Variants in FGF10 observed in about 807,000 individuals in gnomAD.
FGF10 encodes the protein FGF-10.
FGF10 carries 2 observed loss-of-function variants against 19.8 expected under a neutral mutation model. The ratio of observed to expected loss-of-function variants is 0.10; its 90% confidence interval spans 0.04 to 0.32. The LOEUF (loss-of-function observed/expected upper bound fraction) is 0.32. FGF10 is among the 10% of genes least tolerant of loss of function. The pLI, the probability that FGF10 is intolerant of heterozygous loss-of-function variation, is 1.00. For synonymous variants in FGF10, 112 were observed against 94.0 expected (o/e 1.19, Z -1.10); for missense variants, 191 against 246.3 (o/e 0.78, Z 1.50).
At chr5:44,371,811 T>C (rs1228032659) in intron 1 of FGF10, among the ~76,000 whole-genome samples, 1 of 152,194 alleles carries the variant, frequency 6.6e-6, no homozygotes, top group African/African-American at 2.4e-5. Context: ...CTTTCCTAGA[T>C]ACTTTTCATA....
intron 1 of FGF10, among the ~76,000 whole-genome samples, chr5:44,352,810 A>G (rs965020506): frequency 6.6e-6 from 1 of 151,554 alleles, no homozygotes; most frequent in Non-Finnish European, 1.5e-5. Context: ...TATTATTTGT[A>G]CCTAACAGAA....
At chr5:44,364,750 T>C (rs1332385393) in intron 1 of FGF10, among the ~76,000 whole-genome samples, 2 of 151,922 alleles carry the variant, frequency 1.3e-5, no homozygotes, top group African/African-American at 4.8e-5. Context: ...ACATCATACA[T>C]GTAAAATGAT....
intron 1 of FGF10, among the ~76,000 whole-genome samples, chr5:44,384,512 T>C (rs1742055266): frequency 6.6e-6 from 1 of 152,130 alleles, no homozygotes; most frequent in African/African-American, 2.4e-5. Context: ...TTTGGATAAT[T>C]TGTTTTTTAG....
At chr5:44,341,529 G>GT (rs575155171) in intron 1 of FGF10, among the ~76,000 whole-genome samples, 175 of 151,622 alleles carry the variant, frequency 1.2e-3, no homozygotes, top group African/African-American at 4.2e-3. Flanking sequence ...GTGTTTTCAA[G>GT]TAGGTAAGTT....
chr5:44,349,453 T>TATATCAGAATATATATATATATCAGA (rs1554038157), intron 1 of FGF10, among the ~76,000 whole-genome samples: 251 of 22,996 alleles, frequency 0.011, 3 homozygotes, highest in Non-Finnish European at 0.016. Flanking sequence ...TATATATATA[T>TATATCAGAATATATATATATATCAGA]ATATATATAT....
intron 1 of FGF10, among the ~76,000 whole-genome samples, chr5:44,370,483 C>T (rs1011908428): frequency 2.6e-5 from 4 of 152,096 alleles, no homozygotes; most frequent in Admixed American, 2.6e-4. Flanking sequence ...TTCCCTTGCA[C>T]TGGAGCCCCA....
chr5:44,386,275 G>C (rs1742094856), intron 1 of FGF10, among the ~76,000 whole-genome samples: 1 of 152,106 alleles, frequency 6.6e-6, no homozygotes, highest in African/African-American at 2.4e-5. Context: ...AACTAAAACA[G>C]AGCAGATTTG....
At chr5:44,329,231 C>T (rs1015450935) in intron 1 of FGF10, among the ~76,000 whole-genome samples, 12 of 152,108 alleles carry the variant, frequency 7.9e-5, no homozygotes, top group Non-Finnish European at 1.3e-4. Flanking sequence ...GGCTGGAGTG[C>T]GCTAGTGCAA....
chr5:44,381,162 G>A (rs1355518330), intron 1 of FGF10, among the ~76,000 whole-genome samples: 1 of 152,098 alleles, frequency 6.6e-6, no homozygotes, highest in African/African-American at 2.4e-5. Context: ...ACTCTGAAGG[G>A]GGCTTATCAG....
rs1561224090 is a variant in FGF10 at position 44,388,947 on chromosome 5, G to A, written c.-265C>T. On this transcript the variant is annotated 5_prime_UTR_variant, in exon 1 of 3. Transcript: ENST00000264664. The stretch of plus-strand genomic sequence containing the variant: ...TGGACGTGGGTGGCCGCAGCAGCAG[G>A]AGCTGGTGGTGGCGTTGGTGGTGTT... 3 of 568,628 alleles carry A rather than the reference G, an allele frequency of 5.3e-6. No homozygotes were observed. Among genetic ancestry groups the A allele is most frequent in the Non-Finnish European group, 9.5e-6 (3 of 316,260 alleles). 35.2% of individuals were successfully genotyped at this position (568,628 alleles called of 1,614,324 possible). A position where few individuals can be genotyped will look rare whatever the true frequency, so the allele number is the denominator to read the frequency against.
intron 1 of FGF10, among the ~76,000 whole-genome samples, chr5:44,313,646 C>G (rs1289886825): frequency 6.6e-6 from 1 of 151,172 alleles, no homozygotes; most frequent in Non-Finnish European, 1.5e-5. Flanking sequence ...TGAAAGGACA[C>G]ATGAATTATA....
intron 1 of FGF10, among the ~76,000 whole-genome samples, chr5:44,334,443 C>T: frequency 6.6e-6 from 1 of 152,068 alleles, no homozygotes. Context: ...ATGTAAGCCA[C>T]CTTCTTATCC....
In FGF10 at chr5:44,349,442, AT is replaced by A. The variant is rs1399184329; in HGVS notation, c.326-38913del. On this transcript the variant is annotated intron_variant, in intron 1 of 2. Transcript: ENST00000264664. ...TTTCTTTATATATATATATATATAT[AT>A]ATATATATATATATATATATATATA... is the stretch of plus-strand genomic sequence containing the variant. 4.5e-3 allele frequency among the ~76,000 whole-genome samples: 52 copies of A among 11,638 alleles called. 4 individuals carry two copies. Among genetic ancestry groups the A allele is most frequent in the African/African-American group, 0.011 (51 of 4,534 alleles). The allele number at this position is 11,638 out of a possible 152,430, so 7.6% of individuals were successfully genotyped here. A position where few individuals can be genotyped will look rare whatever the true frequency, so the allele number is the denominator to read the frequency against.
chr5:44,345,782 A>G (rs533940918), intron 1 of FGF10, among the ~76,000 whole-genome samples: 4 of 151,540 alleles, frequency 2.6e-5, no homozygotes, highest in Admixed American at 6.6e-5. Context: ...TTTCTCATCC[A>G]TCTTCTGAGA....
chr5:44,305,105 C>T lies in FGF10; in HGVS notation c.517G>A (p.Gly173Arg). 2 of 1,613,972 alleles carry T rather than the reference C, an allele frequency of 1.2e-6. No homozygotes were observed. The highest frequency in any genetic ancestry group is 1.7e-6 in the Non-Finnish European group (2 of 1,179,898). The change falls in exon 3 of 3, where the codon GGG becomes AGG. Residue 173 changes from glycine (G) to arginine (R), a missense_variant. Coordinates refer to ENST00000264664, the MANE Select transcript of FGF10 (RefSeq NM_004465.2). ...TYASFNWQHN[G>R]RQMYVALNGK... ...TTCAATGCCACATACATTTGCCTCC[C>T]ATTATGCTGCCAGTTAAATGATGCA...
intron 1 of FGF10, among the ~76,000 whole-genome samples, chr5:44,340,036 TC>T (rs1181908958): frequency 6.6e-6 from 1 of 152,152 alleles, no homozygotes; most frequent in African/African-American, 2.4e-5. Flanking sequence ...AGTAGCCTCA[TC>T]TTTGTCCCAG....
chr5:44,364,302 C>G (rs952921803), intron 1 of FGF10, among the ~76,000 whole-genome samples: 1 of 151,792 alleles, frequency 6.6e-6, no homozygotes, highest in Non-Finnish European at 1.5e-5. Flanking sequence ...AATGATAACT[C>G]AGCAATCTTA....
At chr5:44,307,409 A>T (rs187330102) in intron 2 of FGF10, among the ~76,000 whole-genome samples, 1 of 152,182 alleles carries the variant, frequency 6.6e-6, no homozygotes, top group African/African-American at 2.4e-5. Context: ...TCCTTAAATC[A>T]TGCTCTATGA....
intron 1 of FGF10, among the ~76,000 whole-genome samples, chr5:44,383,371 A>G (rs924158886): frequency 6.6e-6 from 1 of 152,130 alleles, no homozygotes; most frequent in Admixed American, 6.5e-5. Flanking sequence ...ATTTGATCCT[A>G]TAAGACACGC....
Sources: allele counts gnomAD v4.1 joint callset (sites outside exome capture counted in the v4.1 genomes callset), GRCh38; gene constraint gnomAD v4.1.1; transcripts MANE v1.5; gene names NCBI Gene and HGNC (gene_info 2026-07-23, HGNC 2026-07-21).